The following LASP1 variants were observed in gnomAD, a reference collection of about 807,000 sequenced individuals.
LASP1 encodes LIM and SH3 protein 1.
Under a neutral mutation model 38.6 loss-of-function variants are expected in LASP1, and 10 were observed. The observed-to-expected ratio is 0.26, with a 90% CI of 0.16 to 0.44. The LOEUF (loss-of-function observed/expected upper bound fraction) is 0.44. Ranked by LOEUF, LASP1 falls within the 20% of genes least tolerant of loss-of-function variation. The pLI, the probability that LASP1 is intolerant of heterozygous loss-of-function variation, is 1.00. For synonymous variants in LASP1, 132 were observed against 140.8 expected, an observed-to-expected ratio of 0.94 and a Z score of 0.44; for missense variants, 243 against 375.7, an observed-to-expected ratio of 0.65 and a Z score of 2.92.
chr17:38,894,078 T>C (rs542580689), intron 3 of LASP1, among the ~76,000 whole-genome samples: 3 of 152,162 alleles, frequency 2.0e-5, no homozygotes, highest in African/African-American at 7.2e-5. Context: ...ACCACAGAAC[T>C]GTCCAGAAAT....
At position 38,889,922 on chromosome 17, in the gene LASP1, C is replaced by G. The variant is rs190937133; in HGVS notation, c.165-498C>G. 1.2e-4 allele frequency among the ~76,000 whole-genome samples: 19 copies of G among 152,326 alleles called. No individual in the cohort carries two copies. In the East Asian group the frequency reaches 2.9e-3, roughly 23 times the overall value. On this transcript the variant is annotated intron_variant, in intron 2 of 6. Coordinates refer to ENST00000318008, the MANE Select transcript of LASP1 (RefSeq NM_006148.4). Reference sequence around the variant, plus strand: ...TGTGTTTTCTCTCTCACCACTTCCTCCAGGAAGTCCCCCTGGATATGTGTG... The same window carrying G: ...TGTGTTTTCTCTCTCACCACTTCCTGCAGGAAGTCCCCCTGGATATGTGTG...
intron 2 of LASP1, among the ~76,000 whole-genome samples, chr17:38,879,501 TCAAC>T (rs1243831538): frequency 1.3e-5 from 2 of 151,482 alleles, no homozygotes; most frequent in Non-Finnish European, 2.9e-5. Flanking sequence ...TTTTTTAACT[TCAAC>T]CAACTCAAGT....
At chr17:38,913,614 T>A (rs923337305) in intron 4 of LASP1, among the ~76,000 whole-genome samples, 4 of 152,088 alleles carry the variant, frequency 2.6e-5, no homozygotes, top group Admixed American at 2.6e-4. Flanking sequence ...AGCACGGCCC[T>A]GGCGCAGTAA....
At chr17:38,899,097 A>G in intron 4 of LASP1, 1 of 310,100 alleles carries the variant, frequency 3.2e-6, no homozygotes, top group Admixed American at 4.2e-5. Flanking sequence ...GCAGGGGATC[A>G]ACTGTCCCCA....
chr17:38,880,500 CA>C (rs1913914239), intron 2 of LASP1, among the ~76,000 whole-genome samples: 1 of 152,246 alleles, frequency 6.6e-6, no homozygotes, highest in Admixed American at 6.5e-5. Context: ...CCAAAAGAAG[CA>C]GGTTGGCCTC....
chr17:38,901,760 CTTTATT>C (rs1320499251), intron 4 of LASP1, among the ~76,000 whole-genome samples: 1 of 151,968 alleles, frequency 6.6e-6, no homozygotes. Flanking sequence ...CCCAGGGGAG[CTTTATT>C]TTTATTTTTA....
In LASP1 at chr17:38,870,252, G is replaced by T; in HGVS notation, c.63G>T (p.Leu21=). ...ATCCCACGGAGAAGGTGAACTGTCTGGATAAGGTGAGCCCGGGACCGGGAG... is the reference window on the plus strand; with the variant it reads ...ATCCCACGGAGAAGGTGAACTGTCTTGATAAGGTGAGCCCGGGACCGGGAG... The part of the protein sequence containing the change: ...IVYPTEKVNC[L]DKFWHKACFH... The change falls in exon 1 of 7, where the codon CTG becomes CTT. Residue 21 remains leucine, a synonymous_variant. Transcript: ENST00000318008. 1 of 1,613,606 alleles carries T rather than the reference G, an allele frequency of 6.2e-7. No individual in the cohort carries two copies. Among genetic ancestry groups the T allele is most frequent in the Non-Finnish European group, 8.5e-7 (1 of 1,179,696 alleles).
At chr17:38,875,552 C>T (rs761300033) in intron 1 of LASP1, among the ~76,000 whole-genome samples, 125 of 152,284 alleles carry the variant, frequency 8.2e-4, no homozygotes, top group Admixed American at 2.1e-3. Context: ...TGCTTCCAGA[C>T]TTCCGGCTGG....
At chr17:38,897,803 C>T (rs1914529776) in intron 3 of LASP1, among the ~76,000 whole-genome samples, 1 of 152,208 alleles carries the variant, frequency 6.6e-6, no homozygotes, top group African/African-American at 2.4e-5. Context: ...CTGGGGCTGT[C>T]TCACCACCCT....
chr17:38,892,199 C>T (rs1203890849), intron 3 of LASP1, among the ~76,000 whole-genome samples: 3 of 152,194 alleles, frequency 2.0e-5, no homozygotes, highest in African/African-American at 7.2e-5. Flanking sequence ...GCGTCTCTGT[C>T]TTACAGATAG....
At chr17:38,910,350 G>T (rs1189683114) in intron 4 of LASP1, among the ~76,000 whole-genome samples, 2 of 152,168 alleles carry the variant, frequency 1.3e-5, no homozygotes, top group Non-Finnish European at 2.9e-5. Context: ...AATTGAGTGG[G>T]TGTGGCTGTG....
chr17:38,917,063 A>T (rs1481764303), intron 6 of LASP1, among the ~76,000 whole-genome samples: 2 of 152,150 alleles, frequency 1.3e-5, no homozygotes, highest in Admixed American at 1.3e-4. Flanking sequence ...TGTGGGCCCC[A>T]GGAAGGCCTC....
At chr17:38,912,493 C>T (rs1277532909) in intron 4 of LASP1, among the ~76,000 whole-genome samples, 2 of 152,032 alleles carry the variant, frequency 1.3e-5, no homozygotes, top group East Asian at 1.9e-4. Flanking sequence ...GATCTGGTTG[C>T]CACAGGGTCA....
intron 6 of LASP1, 85 bp downstream of exon 6, chr17:38,915,231 C>A: frequency 9.5e-7 from 1 of 1,052,898 alleles, no homozygotes; most frequent in Non-Finnish European, 1.4e-6. Context: ...TTCTCCTGAC[C>A]TTTGCACCCA....
intron 1 of LASP1, among the ~76,000 whole-genome samples, chr17:38,872,644 T>C (rs1028606917): frequency 6.6e-6 from 1 of 152,122 alleles, no homozygotes; most frequent in Non-Finnish European, 1.5e-5. Flanking sequence ...TTCAGTCCCA[T>C]AGGCAGCTTC....
intron 3 of LASP1, 94 bp downstream of exon 3, chr17:38,890,598 GT>G: frequency 8.8e-7 from 1 of 1,130,376 alleles, no homozygotes; most frequent in Non-Finnish European, 1.3e-6. Context: ...TTCCCCTGCG[GT>G]TACTCTGCAA....
In LASP1 at chr17:38,918,253, A is replaced by G. The variant is rs1915190393; in HGVS notation, c.613-352A>G. Among the ~76,000 whole-genome samples, 4 of 152,192 alleles carry G rather than the reference A, an allele frequency of 2.6e-5. No homozygotes were observed. In the South Asian group the frequency reaches 8.3e-4, roughly 32 times the overall value. Reference sequence around the variant, plus strand: ...CTTGGCCTCCCACAGTGCTGGGATTACAGGCGTGAGCCACTGCACCTGGCC... The same window carrying G: ...CTTGGCCTCCCACAGTGCTGGGATTGCAGGCGTGAGCCACTGCACCTGGCC... On this transcript the variant is annotated intron_variant, in intron 6 of 6. Coordinates refer to ENST00000318008, the MANE Select transcript of LASP1 (RefSeq NM_006148.4). This position sits in a 1 kb window ranked among gnomAD's most constrained non-coding sequence, Gnocchi z 4.4.
At chr17:38,884,147 T>C (rs950064232) in intron 2 of LASP1, among the ~76,000 whole-genome samples, 1 of 152,076 alleles carries the variant, frequency 6.6e-6, no homozygotes, top group African/African-American at 2.4e-5. Flanking sequence ...GGCGAGGCTC[T>C]GTGTAGAAAG....
chr17:38,906,945 T>C (rs1914791249), intron 4 of LASP1, among the ~76,000 whole-genome samples: 1 of 152,134 alleles, frequency 6.6e-6, no homozygotes, highest in Non-Finnish European at 1.5e-5. Flanking sequence ...GGGGCTGTGC[T>C]GACATGTCTG....
Sources: allele counts gnomAD v4.1 joint callset (sites outside exome capture counted in the v4.1 genomes callset), GRCh38; gene constraint gnomAD v4.1.1; non-coding constraint Gnocchi (gnomAD v3.1); transcripts MANE v1.5; gene names NCBI Gene and HGNC (gene_info 2026-07-23, HGNC 2026-07-21).